The following ATXN8OS variants were observed in gnomAD, a reference collection of about 807,000 sequenced individuals.
ATXN8OS encodes the protein ATXN8 opposite strand (non-protein coding).
At chr13:70,112,037 TG>T (rs1888204307) in intron 1 of ATXN8OS, among the ~76,000 whole-genome samples, 1 of 152,156 alleles carries the variant, frequency 6.6e-6, no homozygotes, top group Non-Finnish European at 1.5e-5. Flanking sequence ...CTTCTGCTTC[TG>T]GGGAGGAGGC....
At chr13:70,158,571 C>A (rs1888964630) in intron 4 of ATXN8OS, among the ~76,000 whole-genome samples, 1 of 152,226 alleles carries the variant, frequency 6.6e-6, no homozygotes, top group Non-Finnish European at 1.5e-5. Context: ...TGCTAAAACA[C>A]AGGTCAGAAA....
intron 3 of ATXN8OS, chr13:70,131,391 A>G (rs1412429656): frequency 5.0e-6 from 2 of 398,380 alleles, no homozygotes; most frequent in Admixed American, 4.4e-5. Context: ...TGCATATATG[A>G]CCGTGACACG....
intron 4 of ATXN8OS, among the ~76,000 whole-genome samples, chr13:70,155,852 G>A (rs1593775662): frequency 1.4e-5 from 2 of 145,124 alleles, no homozygotes; most frequent in South Asian, 4.3e-4. Flanking sequence ...GTCATATATT[G>A]TACCACCAGA....
At chr13:70,114,209 C>T (rs1201543563) in intron 1 of ATXN8OS, among the ~76,000 whole-genome samples, 5 of 151,980 alleles carry the variant, frequency 3.3e-5, no homozygotes, top group Non-Finnish European at 5.9e-5. Context: ...CTCACCAGTC[C>T]CAAAGAATAT....
chr13:70,121,473 T>A (rs757882630), intron 2 of ATXN8OS, among the ~76,000 whole-genome samples: 1 of 152,052 alleles, frequency 6.6e-6, no homozygotes, highest in Non-Finnish European at 1.5e-5. Flanking sequence ...TGACCTGTAT[T>A]GGATTAGAGA....
intron 4 of ATXN8OS, among the ~76,000 whole-genome samples, chr13:70,149,465 A>C (rs537362760): frequency 6.6e-6 from 1 of 152,290 alleles, no homozygotes; most frequent in African/African-American, 2.4e-5. Flanking sequence ...ACAGAAATTA[A>C]TTCATTGTAA....
At chr13:70,119,347 G>A (rs1249983408) in intron 2 of ATXN8OS, among the ~76,000 whole-genome samples, 1 of 152,032 alleles carries the variant, frequency 6.6e-6, no homozygotes. Flanking sequence ...GCTATAGAGA[G>A]TTATAAAATT....
Position 70,135,441 on chromosome 13 carries a change from C to A in ATXN8OS, n.499+5557C>A, listed in dbSNP as rs76814691. Among the ~76,000 whole-genome samples the A allele has an allele frequency of 3.6e-3, 544 of 151,750 alleles. 1 individual carries two copies. The highest frequency in any genetic ancestry group is 0.012 in the African/African-American group (495 of 41,404). On this transcript the variant is annotated intron_variant and non_coding_transcript_variant, in intron 3 of 4. Transcript: ENST00000678624. ...TCTCTCTCTCTCTCTTTAATTTTAT[C>A]TTCTCACTCTACACTCCCTTTTTTG...
At chr13:70,158,994 T>C (rs1170633125) in intron 4 of ATXN8OS, among the ~76,000 whole-genome samples, 2 of 152,206 alleles carry the variant, frequency 1.3e-5, no homozygotes, top group Non-Finnish European at 2.9e-5. Context: ...GTAATTATTA[T>C]GAATTTACAT....
At chr13:70,117,734 C>A (rs544962078) in intron 2 of ATXN8OS, among the ~76,000 whole-genome samples, 2 of 151,954 alleles carry the variant, frequency 1.3e-5, no homozygotes, top group Admixed American at 6.6e-5. Flanking sequence ...TAGAAGTTAA[C>A]GTGTAGGTCA....
chr13:70,164,645 GT>G (rs1456058076), intron 4 of ATXN8OS, among the ~76,000 whole-genome samples: 1 of 152,002 alleles, frequency 6.6e-6, no homozygotes, highest in Non-Finnish European at 1.5e-5. Context: ...GCTTTGGAAT[GT>G]TTTCAGTGTG....
At chr13:70,143,949 G>A (rs1022989709) in intron 3 of ATXN8OS, among the ~76,000 whole-genome samples, 1 of 151,998 alleles carries the variant, frequency 6.6e-6, no homozygotes, top group Admixed American at 6.6e-5. Context: ...TTGTTTTTAT[G>A]TATAGCCAAA....
At chr13:70,122,745 G>T (rs1168656563) in intron 2 of ATXN8OS, among the ~76,000 whole-genome samples, 1 of 151,954 alleles carries the variant, frequency 6.6e-6, no homozygotes, top group Admixed American at 6.6e-5. Flanking sequence ...TTGAAATAAG[G>T]AAGGGTTCAA....
At chr13:70,111,545 T>C (rs1397513319) in intron 1 of ATXN8OS, among the ~76,000 whole-genome samples, 3 of 152,202 alleles carry the variant, frequency 2.0e-5, no homozygotes, top group South Asian at 4.1e-4. Context: ...ATTCTTGAGG[T>C]TCTGCCCTCG....
chr13:70,159,371 G>A (rs941328047), intron 4 of ATXN8OS, among the ~76,000 whole-genome samples: 1 of 151,804 alleles, frequency 6.6e-6, no homozygotes, highest in Non-Finnish European at 1.5e-5. Flanking sequence ...TTCCTATACT[G>A]TTGAGGACCT....
chr13:70,136,156 T>C (rs548762813), intron 3 of ATXN8OS, among the ~76,000 whole-genome samples: 4 of 152,168 alleles, frequency 2.6e-5, no homozygotes, highest in Non-Finnish European at 4.4e-5. Flanking sequence ...TGTTTGCCTG[T>C]GATTGGCTGA....
chr13:70,150,358 C>G (rs866401246), intron 4 of ATXN8OS, among the ~76,000 whole-genome samples: 4 of 152,008 alleles, frequency 2.6e-5, no homozygotes, highest in Admixed American at 2.6e-4. Flanking sequence ...CAGTGATGAG[C>G]TTGGGTTTGA....
In ATXN8OS at chr13:70,108,349, G is replaced by A. The variant is rs529971654; in HGVS notation, n.240+330G>A. The A allele has an allele frequency of 7.4e-5, 19 of 257,446 alleles. No individual in the cohort carries two copies. In the South Asian group the frequency reaches 2.3e-3, roughly 31 times the overall value. 15.9% of individuals were successfully genotyped at this position (257,446 alleles called of 1,614,324 possible). On this transcript the variant is annotated intron_variant and non_coding_transcript_variant, in intron 1 of 4. Coordinates refer to ENST00000678624, the Ensembl canonical transcript of ATXN8OS. ...GCTTTCTGCAATGCCAGAAGAGGTG[G>A]TTTTATATAGTCAGTTTGTAAAAGA...
intron 4 of ATXN8OS, among the ~76,000 whole-genome samples, chr13:70,154,734 A>G (rs1038313454): frequency 6.6e-6 from 1 of 152,212 alleles, no homozygotes; most frequent in Non-Finnish European, 1.5e-5. Context: ...ACTTTGTTTT[A>G]TGAAATGAGT....
Sources: allele counts gnomAD v4.1 joint callset (sites outside exome capture counted in the v4.1 genomes callset), GRCh38; gene constraint gnomAD v4.1.1; transcripts MANE v1.5; gene names NCBI Gene and HGNC (gene_info 2026-07-23, HGNC 2026-07-21).